PDE1A: variants seen among roughly 807,000 people sequenced by gnomAD.
The protein encoded by PDE1A is phosphodiesterase 1A.
In PDE1A, 35 loss-of-function variants were observed where a neutral mutation model predicts 61.7. The observed-to-expected ratio is 0.57, with a 90% CI of 0.43 to 0.75. The LOEUF is 0.75. PDE1A is among the 30% of genes least tolerant of loss of function. The pLI, the probability that PDE1A is intolerant of heterozygous loss-of-function variation, is 0.00. For synonymous variants in PDE1A, 232 were observed against 213.2 expected, an observed-to-expected ratio of 1.09 and a Z score of -0.77; for missense variants, 597 against 630.6, an observed-to-expected ratio of 0.95 and a Z score of 0.57.
At chr2:182,477,190 T>C (rs1321962399) in intron 2 of PDE1A, among the ~76,000 whole-genome samples, 1 of 151,918 alleles carries the variant, frequency 6.6e-6, no homozygotes, top group Non-Finnish European at 1.5e-5. Flanking sequence ...GCAGTAAGTG[T>C]ACTGCGGGGT....
In PDE1A at chr2:182,304,856, A is replaced by G. The variant is rs191118085; in HGVS notation, c.54-40442T>C. 9.8e-5 allele frequency among the ~76,000 whole-genome samples: 15 copies of G among 152,366 alleles called. No homozygotes were observed. In the East Asian group the frequency reaches 2.7e-3, roughly 27 times the overall value. On this transcript the variant is annotated intron_variant, in intron 1 of 13. Coordinates refer to ENST00000351439, the Ensembl canonical transcript of PDE1A. ...GATAATAACAATATAGTTTGCAAGA[A>G]TTACTAAAATATCACACAGAGACAT... is the stretch of plus-strand genomic sequence containing the variant.
the PDE1A span, among the ~76,000 whole-genome samples, chr2:182,715,305 T>G: frequency 6.6e-6 from 1 of 152,214 alleles, no homozygotes; most frequent in Non-Finnish European, 1.5e-5. Context: ...ACATGTGTGC[T>G]TAGACCAGTT....
chr2:182,297,566 C>T (rs1206830057), intron 1 of PDE1A, among the ~76,000 whole-genome samples: 1 of 152,182 alleles, frequency 6.6e-6, no homozygotes, highest in African/African-American at 2.4e-5. Flanking sequence ...AAAGCCTGTG[C>T]TCTTGTTTCC....
chr2:182,702,372 G>A, the PDE1A span, among the ~76,000 whole-genome samples: 3 of 152,102 alleles, frequency 2.0e-5, no homozygotes, highest in Non-Finnish European at 2.9e-5. Flanking sequence ...CAAAGTGCTG[G>A]GATTACAGGT....
chr2:182,214,696 A>C (rs566315974), intron 7 of PDE1A, among the ~76,000 whole-genome samples: 33 of 145,046 alleles, frequency 2.3e-4, no homozygotes, highest in African/African-American at 7.2e-4. Context: ...AAAGGGATCA[A>C]TTCAACAAGA....
chr2:182,709,042 T>C, the PDE1A span, among the ~76,000 whole-genome samples: 3 of 152,188 alleles, frequency 2.0e-5, no homozygotes, highest in African/African-American at 7.2e-5. Flanking sequence ...TGAGTATCTT[T>C]AGGCAAGTCA....
At chr2:182,551,935 A>C in the PDE1A span, among the ~76,000 whole-genome samples, 1 of 152,120 alleles carries the variant, frequency 6.6e-6, no homozygotes, top group South Asian at 2.1e-4. Context: ...CACAGTGTCT[A>C]TTTCTATACT....
chr2:182,376,447 T>C (rs917045516), intron 1 of PDE1A, among the ~76,000 whole-genome samples: 4 of 152,196 alleles, frequency 2.6e-5, no homozygotes, highest in Non-Finnish European at 5.9e-5. Context: ...TTTGCTCCAG[T>C]TCTCAACAAG....
chr2:182,573,909 A>G, the PDE1A span, among the ~76,000 whole-genome samples: 3 of 145,748 alleles, frequency 2.1e-5, no homozygotes, highest in South Asian at 6.3e-4. Flanking sequence ...ATATTTATAT[A>G]TTATATATAT....
At chr2:182,508,210 T>A (rs1290924951) in intron 2 of PDE1A, among the ~76,000 whole-genome samples, 1 of 151,780 alleles carries the variant, frequency 6.6e-6, no homozygotes, top group Admixed American at 6.6e-5. Context: ...AAATTCTCAA[T>A]AAATTACTAA....
chr2:182,253,810 T>C (rs1399358410), intron 2 of PDE1A, among the ~76,000 whole-genome samples: 3 of 152,246 alleles, frequency 2.0e-5, no homozygotes, highest in African/African-American at 7.2e-5. Context: ...AACTTGTCTC[T>C]GATGCTTAAT....
the PDE1A span, among the ~76,000 whole-genome samples, chr2:182,655,201 G>T: frequency 6.6e-6 from 1 of 152,144 alleles, no homozygotes; most frequent in East Asian, 1.9e-4. Flanking sequence ...AGGCAGGAAT[G>T]AGAGTTTTCT....
At chr2:182,377,056 G>A (rs1246463018) in intron 1 of PDE1A, among the ~76,000 whole-genome samples, 1 of 152,176 alleles carries the variant, frequency 6.6e-6, no homozygotes, top group African/African-American at 2.4e-5. Flanking sequence ...TGGGGACATA[G>A]AGCCAAACCA....
intron 2 of PDE1A, among the ~76,000 whole-genome samples, chr2:182,472,469 T>C (rs900690837): frequency 2.0e-5 from 3 of 151,800 alleles, no homozygotes; most frequent in African/African-American, 7.2e-5. Context: ...CAAAGACAAA[T>C]ACTAAACGTT....
chr2:182,352,610 C>T (rs763229575), intron 1 of PDE1A, among the ~76,000 whole-genome samples: 1 of 149,708 alleles, frequency 6.7e-6, no homozygotes, highest in Admixed American at 6.7e-5. Flanking sequence ...TGGACATCAA[C>T]ACAAGGACAT....
intron 11 of PDE1A, among the ~76,000 whole-genome samples, chr2:182,186,963 T>C (rs762385706): frequency 4.6e-5 from 7 of 152,252 alleles, no homozygotes; most frequent in Non-Finnish European, 7.3e-5. Flanking sequence ...TGAAAGCACA[T>C]CATGTGCATT....
chr2:182,254,553 T>C lies in PDE1A; in HGVS notation c.167+9748A>G, dbSNP rs112188851. 7.2e-3 allele frequency among the ~76,000 whole-genome samples: 1,098 copies of C among 152,306 alleles called. 12 individuals are homozygous for C. The highest frequency in any genetic ancestry group is 0.025 in the African/African-American group (1,019 of 41,562). On this transcript the variant is annotated intron_variant, in intron 2 of 13. Transcript: ENST00000351439. ...GTCACCCTCCTGGTAGTCAGAGTAATTGAGTCATGAGCAAGTCTTTACAGG... is the reference window on the plus strand; with the variant it reads ...GTCACCCTCCTGGTAGTCAGAGTAACTGAGTCATGAGCAAGTCTTTACAGG...
At chr2:182,512,528 C>A (rs1268622022) in intron 2 of PDE1A, among the ~76,000 whole-genome samples, 1 of 152,176 alleles carries the variant, frequency 6.6e-6, no homozygotes, top group Non-Finnish European at 1.5e-5. Context: ...AGAACTCTGG[C>A]AACTCACAAA....
At chr2:182,395,470 C>T (rs1022888827) in intron 1 of PDE1A, among the ~76,000 whole-genome samples, 2 of 152,162 alleles carry the variant, frequency 1.3e-5, no homozygotes, top group African/African-American at 4.8e-5. Context: ...AGGGAAGTTT[C>T]TAGGGGTCCA....
Sources: gnomAD v4.1 joint callset for allele counts (sites outside exome capture counted in the v4.1 genomes callset) on GRCh38, gnomAD v4.1.1 for gene constraint, MANE v1.5 for transcripts, NCBI Gene and HGNC (gene_info 2026-07-23, HGNC 2026-07-21) for gene names.